The following WDPCP variants were observed in gnomAD, a reference collection of about 807,000 sequenced individuals.
The protein encoded by WDPCP is WD repeat containing planar cell polarity effector.
A neutral mutation model predicts 93.1 loss-of-function variants in WDPCP; 71 were observed. That is an observed-to-expected ratio of 0.76 (90% CI 0.63 to 0.93). The LOEUF is 0.93. WDPCP is among the 40% of genes least tolerant of loss of function. The probability of loss-of-function intolerance (pLI) is 0.00; values close to 1 mark genes in which losing one functional copy is unlikely to be tolerated. For missense variants in WDPCP, 844 were observed against 887.4 expected (o/e 0.95, Z 0.62); for synonymous variants, 315 against 315.0 (o/e 1.00, Z 0.00).
chr2:63,755,983 T>C (rs1333898453), intron 2 of WDPCP, among the ~76,000 whole-genome samples: 1 of 152,214 alleles, frequency 6.6e-6, no homozygotes, highest in African/African-American at 2.4e-5. Flanking sequence ...AAATCTCAGA[T>C]AGAAGATTAA....
In WDPCP at chr2:63,404,793, A is replaced by G. The variant is rs1029414507; in HGVS notation, c.826-136T>C. On this transcript the variant is annotated intron_variant, in intron 9 of 17. Transcript: ENST00000272321. ...TTAAACATCAGCAACATACAAGTAT[A>G]TAAAGTACATATAGCACATCTATCT... 7.1e-6 allele frequency: 7 copies of G among 981,902 alleles called. No individual in the cohort carries two copies. The Admixed American group carries it at 1.4e-4, about 20-fold the overall frequency. 60.8% of individuals were successfully genotyped at this position (981,902 alleles called of 1,614,324 possible). A position where few individuals can be genotyped will look rare whatever the true frequency, so the allele number is the denominator to read the frequency against.
At chr2:63,130,761 T>C (rs1225826373) in intron 17 of WDPCP, among the ~76,000 whole-genome samples, 1 of 152,136 alleles carries the variant, frequency 6.6e-6, no homozygotes, top group Non-Finnish European at 1.5e-5. Context: ...TGATCTTCTG[T>C]CTGGTTGTCC....
chr2:63,388,944 G>C (rs1310604236), intron 10 of WDPCP, among the ~76,000 whole-genome samples: 4 of 152,128 alleles, frequency 2.6e-5, no homozygotes, highest in Non-Finnish European at 4.4e-5. Flanking sequence ...AAAAGTGATG[G>C]GGAGAATGGA....
At chr2:63,267,395 G>C (rs954280770) in intron 13 of WDPCP, among the ~76,000 whole-genome samples, 3 of 152,110 alleles carry the variant, frequency 2.0e-5, no homozygotes, top group Admixed American at 2.0e-4. Context: ...AACTTGAGGA[G>C]GAGGGAAAAA....
At chr2:63,714,447 C>G (rs764474222) in intron 2 of WDPCP, among the ~76,000 whole-genome samples, 47 of 152,134 alleles carry the variant, frequency 3.1e-4, no homozygotes, top group Non-Finnish European at 5.0e-4. Context: ...TTCATTAATG[C>G]TGTGGGTTTT....
At chr2:63,257,251 C>T (rs927411999) in intron 14 of WDPCP, among the ~76,000 whole-genome samples, 5 of 152,006 alleles carry the variant, frequency 3.3e-5, no homozygotes, top group African/African-American at 1.2e-4. Flanking sequence ...TTGCTTGCAT[C>T]AAAGAACCAC....
chr2:63,216,195 T>A (rs1285389414), intron 14 of WDPCP, among the ~76,000 whole-genome samples: 1 of 152,128 alleles, frequency 6.6e-6, no homozygotes, highest in Non-Finnish European at 1.5e-5. Context: ...GACCCAGCCA[T>A]CCTATCACTG....
intron 1 of WDPCP, among the ~76,000 whole-genome samples, chr2:63,575,394 ATACAGTATATATACAGTATATACACTG>A (rs1707888921): frequency 1.1e-5 from 1 of 90,890 alleles, no homozygotes; most frequent in African/African-American, 4.2e-5. Flanking sequence ...TACACGGTAT[ATACAGTATATATACAGTATATACACTG>A]TATACAGTGT....
At chr2:63,777,802 A>G (rs551694186) in intron 2 of WDPCP, among the ~76,000 whole-genome samples, 2 of 152,338 alleles carry the variant, frequency 1.3e-5, no homozygotes, top group African/African-American at 4.8e-5. Flanking sequence ...ACAAAGGAGC[A>G]TAAGGAAACT....
At chr2:63,760,515 CT>C (rs1254829827) in intron 2 of WDPCP, among the ~76,000 whole-genome samples, 1 of 150,906 alleles carries the variant, frequency 6.6e-6, no homozygotes, top group African/African-American at 2.5e-5. Context: ...TCCATAACTA[CT>C]CATTTTGGCT....
At chr2:63,593,329 G>C (rs1709238438), upstream of WDPCP, 1 of 284,046 alleles carries the variant, frequency 3.5e-6, no homozygotes, top group Non-Finnish European at 7.2e-6. Flanking sequence ...CCCAACCTCA[G>C]GTGATCCGCC....
intron 14 of WDPCP, among the ~76,000 whole-genome samples, chr2:63,226,721 G>C (rs1678323001): frequency 1.3e-5 from 2 of 151,804 alleles, no homozygotes; most frequent in Non-Finnish European, 2.9e-5. Context: ...CTTAATTCTA[G>C]ATAAGGGTAG....
rs1461163340 is a variant in WDPCP, at chr2:63,428,015, G to C, written c.825+5730C>G. Among the ~76,000 whole-genome samples the C allele has an allele frequency of 2.0e-5, 3 of 152,052 alleles. No homozygotes were observed. The East Asian group carries it at 5.8e-4, about 29-fold the overall frequency. ...TTCCTGGAAACACACAACCCCTCAA[G>C]ATTGAACCAGAAAGAAAGTGAAAAC... On this transcript the variant is annotated intron_variant, in intron 9 of 17. Transcript: ENST00000272321.
At chr2:63,331,980 T>C (rs1688006445) in intron 12 of WDPCP, among the ~76,000 whole-genome samples, 1 of 151,928 alleles carries the variant, frequency 6.6e-6, no homozygotes, top group East Asian at 1.9e-4. Flanking sequence ...TGGTGGTCAT[T>C]TGAGATGTTC....
intron 2 of WDPCP, among the ~76,000 whole-genome samples, chr2:63,716,352 T>C (rs1669336361): frequency 6.6e-6 from 1 of 152,212 alleles, no homozygotes; most frequent in Non-Finnish European, 1.5e-5. Context: ...AAAGTCACTA[T>C]TGCAGTAAGC....
chr2:63,492,289 CAT>C (rs1261452189), intron 2 of WDPCP, among the ~76,000 whole-genome samples: 2 of 151,944 alleles, frequency 1.3e-5, no homozygotes, highest in African/African-American at 4.8e-5. Flanking sequence ...TTAAAACACA[CAT>C]ATTATTCTCC....
intron 1 of WDPCP, among the ~76,000 whole-genome samples, chr2:63,521,917 G>C (rs1000327655): frequency 6.6e-5 from 10 of 152,118 alleles, no homozygotes; most frequent in African/African-American, 2.4e-4. Context: ...TAAACAACCT[G>C]TTCCTGAATG....
intron 2 of WDPCP, among the ~76,000 whole-genome samples, chr2:63,777,683 A>C (rs1021959151): frequency 4.9e-4 from 75 of 152,370 alleles, no homozygotes; most frequent in African/African-American, 1.8e-3. Context: ...ATGGTGTATG[A>C]GTCCATTTAT....
chr2:63,327,643 A>G (rs887354601), intron 12 of WDPCP, among the ~76,000 whole-genome samples: 1 of 152,176 alleles, frequency 6.6e-6, no homozygotes, highest in African/African-American at 2.4e-5. Context: ...ATCGCCCGGC[A>G]TTTACAGGAA....
Sources: allele counts gnomAD v4.1 joint callset (sites outside exome capture counted in the v4.1 genomes callset), GRCh38; gene constraint gnomAD v4.1.1; transcripts MANE v1.5; gene names NCBI Gene and HGNC (gene_info 2026-07-23, HGNC 2026-07-21).